WDR41: variants seen among roughly 807,000 people sequenced by gnomAD.
The protein encoded by WDR41 is WD repeat-containing protein 41.
In WDR41, 63 loss-of-function variants were observed where a neutral mutation model predicts 69.3. That is an observed-to-expected ratio of 0.91 (90% CI 0.74 to 1.12). WDR41 has a LOEUF of 1.12. WDR41 is among the 50% of genes most tolerant of loss of function. The pLI is 0.00. For synonymous variants in WDR41, 185 were observed against 192.1 expected (o/e 0.96, Z 0.31); for missense variants, 543 against 534.5 (o/e 1.02, Z -0.16).
At chr5:77,550,801 C>T (rs1374506624) in intron 1 of WDR41, among the ~76,000 whole-genome samples, 1 of 152,072 alleles carries the variant, frequency 6.6e-6, no homozygotes, top group Non-Finnish European at 1.5e-5. Context: ...CATCACAGCA[C>T]TACTCATAAT....
chr5:77,600,148 C>T (rs1744297012), intron 1 of WDR41, among the ~76,000 whole-genome samples: 1 of 152,134 alleles, frequency 6.6e-6, no homozygotes, highest in South Asian at 2.1e-4. Context: ...ATGGGTTTGA[C>T]CATGGATTTA....
chr5:77,474,122 C>T (rs1428105006), intron 2 of WDR41, among the ~76,000 whole-genome samples: 1 of 152,094 alleles, frequency 6.6e-6, no homozygotes, highest in Non-Finnish European at 1.5e-5. Context: ...ATGATGAGTT[C>T]ATGTCCTTTG....
At chr5:77,481,596 C>T (rs796804201) in intron 2 of WDR41, among the ~76,000 whole-genome samples, 13 of 151,936 alleles carry the variant, frequency 8.6e-5, no homozygotes, top group African/African-American at 3.1e-4. Context: ...ACCAGCCTGG[C>T]CAATATGGTG....
rs556306532 is a variant in WDR41, at chr5:77,464,829, C to G, written c.168-20G>C. ...GCAAATCTGGTTAGGGAGAAAGGGT[C>G]AAGAAAAAAAAATCACTGGTGACAT... is the stretch of plus-strand genomic sequence containing the variant. On this transcript the variant is annotated intron_variant, in intron 2 of 12. Transcript: ENST00000296679. 4 of 1,565,180 alleles carry G rather than the reference C, an allele frequency of 2.6e-6. No individual in the cohort carries two copies. The East Asian group carries it at 9.0e-5, about 35-fold the overall frequency.
chr5:77,523,616 A>C (rs948454835), intron 1 of WDR41, among the ~76,000 whole-genome samples: 1 of 151,968 alleles, frequency 6.6e-6, no homozygotes, highest in African/African-American at 2.4e-5. Context: ...AGTTAGAAAT[A>C]TATTTGGGTT....
At chr5:77,433,405 T>C (rs1798804523) in intron 12 of WDR41, 118 bp from the exon 13 acceptor site, 12 of 746,176 alleles carry the variant, frequency 1.6e-5, no homozygotes, top group Non-Finnish European at 2.2e-5. Flanking sequence ...GATCTGGGTG[T>C]AGAACTTCAT....
chr5:77,534,985 T>A (rs1325398236), intron 1 of WDR41, among the ~76,000 whole-genome samples: 1 of 152,222 alleles, frequency 6.6e-6, no homozygotes, highest in African/African-American at 2.4e-5. Flanking sequence ...AACCCAATAG[T>A]TATGTTTAAA....
Position 77,440,894 on chromosome 5 carries a change from T to C in WDR41, c.801A>G (p.Pro267=). ...AYERNFWDPS[P]QLDTQQEIKL... ...TTATTTCTTGTTGGGTGTCCAGTTG[T>C]GGAGATGGGTCCCAGAAGTTGCGTT... The change falls in exon 9 of 13, where the codon CCA becomes CCG. Residue 267 remains proline (P), a synonymous_variant. Coordinates refer to ENST00000296679, the MANE Select transcript of WDR41 (RefSeq NM_018268.4). 1 of 1,614,214 alleles carries C rather than the reference T, an allele frequency of 6.2e-7. No individual in the cohort carries two copies.
rs369417702 is a variant in WDR41, at chr5:77,437,352, A to C, written c.1077T>G (p.Ala359=). The C allele has an allele frequency of 6.2e-7, 1 of 1,613,892 alleles. No individual in the cohort carries two copies. Among genetic ancestry groups the C allele is most frequent in the African/African-American group, 1.3e-5 (1 of 75,060 alleles). ...GACACACACCTGTTGGTACAGGCTC[A>C]GCTGCAAGCTGCTGTTTTTCTCTTA... The part of the protein sequence containing the change: ...WELREKQQLA[A]EPVPTGFFNM... Residue 359 remains alanine (A), a synonymous_variant, in exon 11 of 13, where the codon GCT becomes GCG. Transcript: ENST00000296679.
At chr5:77,595,961 A>T (rs1368601711) in intron 1 of WDR41, among the ~76,000 whole-genome samples, 1 of 152,132 alleles carries the variant, frequency 6.6e-6, no homozygotes, top group Non-Finnish European at 1.5e-5. Context: ...GAAATTTGGG[A>T]ATCCAGACGT....
chr5:77,480,392 C>T (rs374178697), intron 2 of WDR41, among the ~76,000 whole-genome samples: 2 of 152,192 alleles, frequency 1.3e-5, no homozygotes, highest in East Asian at 3.9e-4. Flanking sequence ...TATTGCGGCA[C>T]TATTCACAAT....
chr5:77,545,668 G>C (rs867388391), intron 1 of WDR41: 3 of 429,208 alleles, frequency 7.0e-6, no homozygotes, highest in Non-Finnish European at 1.2e-5. Flanking sequence ...TTTCCTGGGG[G>C]CCTCTCTCAA....
At chr5:77,492,351 C>A (rs1204204126), upstream of WDR41, 5 of 1,255,692 alleles carry the variant, frequency 4.0e-6, no homozygotes, top group Middle Eastern at 1.9e-4. Flanking sequence ...GATCAGCCCA[C>A]GGGCCGAAGG....
chr5:77,481,941 ACTGAACACT>A (rs1801292074), intron 2 of WDR41, among the ~76,000 whole-genome samples: 1 of 152,232 alleles, frequency 6.6e-6, no homozygotes, highest in South Asian at 2.1e-4. Flanking sequence ...GTGGTTCTCC[ACTGAACACT>A]CAGAACACTA....
rs550664177 is a variant in WDR41 at position 77,470,460 on chromosome 5, T to C, written c.168-5651A>G. On this transcript the variant is annotated intron_variant, in intron 2 of 12. Transcript: ENST00000296679. ...CCTTAAATGTAAATGGGCTAAATGC[T>C]CCAATTAAAAGACACAGACTGGCAA... 4.7e-3 allele frequency among the ~76,000 whole-genome samples: 713 copies of C among 152,048 alleles called. 1 individual carries two copies. Among genetic ancestry groups the C allele is most frequent in the Non-Finnish European group, 6.9e-3 (472 of 67,990 alleles).
At chr5:77,609,926 G>A (rs1325005384) in intron 1 of WDR41, among the ~76,000 whole-genome samples, 3 of 152,118 alleles carry the variant, frequency 2.0e-5, no homozygotes, top group African/African-American at 7.2e-5. Flanking sequence ...TTAGACGAAT[G>A]TATAACTAGA....
At chr5:77,591,984 A>G (rs1744145120) in intron 1 of WDR41, among the ~76,000 whole-genome samples, 1 of 152,158 alleles carries the variant, frequency 6.6e-6, no homozygotes, top group African/African-American at 2.4e-5. Context: ...ATCTACAATT[A>G]TGATTATGAA....
chr5:77,504,926 T>C (rs978734067), intron 1 of WDR41, among the ~76,000 whole-genome samples: 6 of 152,174 alleles, frequency 3.9e-5, no homozygotes, highest in Non-Finnish European at 5.9e-5. Context: ...TCATACTGAA[T>C]GGGCAAAAAC....
At chr5:77,567,128 A>G (rs1743647813) in intron 1 of WDR41, among the ~76,000 whole-genome samples, 2 of 152,156 alleles carry the variant, frequency 1.3e-5, no homozygotes, top group African/African-American at 4.8e-5. Context: ...TACTTATTAG[A>G]GGTTCTACTA....
Sources: gnomAD v4.1 joint callset for allele counts (sites outside exome capture counted in the v4.1 genomes callset) on GRCh38, gnomAD v4.1.1 for gene constraint, MANE v1.5 for transcripts, NCBI Gene and HGNC (gene_info 2026-07-23, HGNC 2026-07-21) for gene names.